Variants in AGPAT3 observed in about 807,000 individuals in gnomAD.
AGPAT3 encodes the protein 1-acylglycerol-3-phosphate O-acyltransferase 3.
A neutral mutation model predicts 47.3 loss-of-function variants in AGPAT3; 5 were observed. That is an observed-to-expected ratio of 0.11 (90% confidence interval 0.06 to 0.22). The LOEUF (loss-of-function observed/expected upper bound fraction) is 0.22. AGPAT3 is among the 10% of genes least tolerant of loss of function. The pLI is 1.00. For missense variants in AGPAT3, 315 were observed against 493.0 expected (o/e 0.64, Z 3.42); for synonymous variants, 212 against 208.3 (o/e 1.02, Z -0.15).
chr21:43,904,897 A>T (rs1359193767), intron 2 of AGPAT3, among the ~76,000 whole-genome samples: 1 of 152,152 alleles, frequency 6.6e-6, no homozygotes, highest in African/African-American at 2.4e-5. Flanking sequence ...TTCCAGGTGT[A>T]ACTCACAGGC....
chr21:43,873,809 A>C (rs1471592440), intron 1 of AGPAT3, among the ~76,000 whole-genome samples: 2 of 152,166 alleles, frequency 1.3e-5, no homozygotes, highest in African/African-American at 4.8e-5. Flanking sequence ...CATCTCACAG[A>C]GGCTCATCTT....
At chr21:43,931,072 C>T (rs1267028483) in intron 2 of AGPAT3, among the ~76,000 whole-genome samples, 1 of 152,182 alleles carries the variant, frequency 6.6e-6, no homozygotes, top group East Asian at 1.9e-4. Context: ...GGCCCCGTGA[C>T]TGGACAGCCC....
intron 2 of AGPAT3, among the ~76,000 whole-genome samples, chr21:43,931,286 C>T (rs1410650891): frequency 2.6e-5 from 4 of 152,138 alleles, no homozygotes; most frequent in South Asian, 4.1e-4. Flanking sequence ...CCTGGAGTTT[C>T]GCTCGGTCAC....
intron 4 of AGPAT3, among the ~76,000 whole-genome samples, chr21:43,968,565 C>T (rs1240902198): frequency 6.6e-6 from 1 of 151,886 alleles, no homozygotes; most frequent in Non-Finnish European, 1.5e-5. Flanking sequence ...CGGGGAGGCC[C>T]CTGGGGTCCG....
At chr21:43,894,650 C>T (rs146146341) in intron 1 of AGPAT3, among the ~76,000 whole-genome samples, 1 of 152,272 alleles carries the variant, frequency 6.6e-6, no homozygotes, top group African/African-American at 2.4e-5. Context: ...GATCTATAAA[C>T]ACCGGGTCTT....
intron 1 of AGPAT3, among the ~76,000 whole-genome samples, chr21:43,879,071 T>G (rs1338357495): frequency 6.6e-6 from 1 of 152,072 alleles, no homozygotes; most frequent in Non-Finnish European, 1.5e-5. Flanking sequence ...AACATGCCAC[T>G]GGCTGCAGTG....
intron 2 of AGPAT3, among the ~76,000 whole-genome samples, chr21:43,926,846 A>T (rs569460895): frequency 2.0e-5 from 3 of 151,744 alleles, no homozygotes; most frequent in South Asian, 4.2e-4. Context: ...CTGTGATCCC[A>T]GCTACTTGGG....
At chr21:43,935,103 C>T (rs375556023) in intron 2 of AGPAT3, among the ~76,000 whole-genome samples, 17 of 152,392 alleles carry the variant, frequency 1.1e-4, no homozygotes, top group Admixed American at 4.6e-4. Flanking sequence ...GGGGGCTTCT[C>T]ACCTGAGAGC....
Position 43,920,970 on chromosome 21 carries a change from G to A in AGPAT3, c.-49+16951G>A, listed in dbSNP as rs1297440257. On this transcript the variant is annotated intron_variant, in intron 2 of 9. Transcript: ENST00000291572. The surrounding 1 kb of genome is among the most constrained non-coding windows in gnomAD (Gnocchi z 6.1). ...CTACTAAAAATACAAAAACTTAGCCGGGCGTGGTGGCGGGCACCTGTAGTT... is the reference window on the plus strand; with the variant it reads ...CTACTAAAAATACAAAAACTTAGCCAGGCGTGGTGGCGGGCACCTGTAGTT... Among the ~76,000 whole-genome samples the A allele has an allele frequency of 2.0e-5, 3 of 152,136 alleles. No individual in the cohort carries two copies. Among genetic ancestry groups the A allele is most frequent in the South Asian group, 2.1e-4 (1 of 4,826 alleles).
At chr21:43,878,511 T>G (rs376403112) in intron 1 of AGPAT3, among the ~76,000 whole-genome samples, 1 of 152,228 alleles carries the variant, frequency 6.6e-6, no homozygotes, top group Non-Finnish European at 1.5e-5. Context: ...GTTTTCCCAG[T>G]TATAAATATG....
chr21:43,933,118 G>T lies in AGPAT3; in HGVS notation c.-48-26516G>T, dbSNP rs2087312495. On this transcript the variant is annotated intron_variant, in intron 2 of 9. Coordinates refer to ENST00000291572, the MANE Select transcript of AGPAT3 (RefSeq NM_020132.5). This position sits in a 1 kb window ranked among gnomAD's most constrained non-coding sequence, Gnocchi z 6.0. ...AATAGCCAACTGAACGGCATGAAATGACACCTCCCTGTGGCTTCGATTTGC... is the reference window on the plus strand; with the variant it reads ...AATAGCCAACTGAACGGCATGAAATTACACCTCCCTGTGGCTTCGATTTGC... Among the ~76,000 whole-genome samples the T allele has an allele frequency of 6.6e-6, 1 of 152,230 alleles. No homozygotes were observed. Among genetic ancestry groups the T allele is most frequent in the African/African-American group, 2.4e-5 (1 of 41,460 alleles).
Position 43,942,233 on chromosome 21 carries a change from G to A in AGPAT3, c.-48-17401G>A, listed in dbSNP as rs180714300. On this transcript the variant is annotated intron_variant, in intron 2 of 9. Transcript: ENST00000291572. ...ACCTGGAGGGCCACAGAGGCGGCTT[G>A]GTTTTTTTGTGGGGACAGAGACGTT... Among the ~76,000 whole-genome samples, 29 of 152,272 alleles carry A rather than the reference G, an allele frequency of 1.9e-4. No individual in the cohort carries two copies. The East Asian group carries it at 5.6e-3, about 29-fold the overall frequency.
At chr21:43,937,491 G>A (rs375742684) in intron 2 of AGPAT3, among the ~76,000 whole-genome samples, 5 of 152,216 alleles carry the variant, frequency 3.3e-5, no homozygotes, top group East Asian at 1.9e-4. Flanking sequence ...AGGTGACATC[G>A]TGGCTGCCTC....
chr21:43,876,292 A>C (rs906909157), intron 1 of AGPAT3, among the ~76,000 whole-genome samples: 2 of 152,194 alleles, frequency 1.3e-5, no homozygotes, highest in East Asian at 3.8e-4. Flanking sequence ...ACAAATACTA[A>C]AATTTGAATT....
At chr21:43,960,071 A>T (rs1028154699) in intron 3 of AGPAT3, among the ~76,000 whole-genome samples, 2 of 152,194 alleles carry the variant, frequency 1.3e-5, no homozygotes, top group Non-Finnish European at 2.9e-5. Context: ...ATTCTGACCC[A>T]TAGCAATGGC....
At chr21:43,873,488 C>G (rs978723808) in intron 1 of AGPAT3, among the ~76,000 whole-genome samples, 1 of 152,188 alleles carries the variant, frequency 6.6e-6, no homozygotes, top group Non-Finnish European at 1.5e-5. Flanking sequence ...AGCGATTCTC[C>G]TGCCTCAGCC....
intron 1 of AGPAT3, among the ~76,000 whole-genome samples, chr21:43,885,803 G>A (rs541230989): frequency 6.6e-6 from 1 of 150,586 alleles, no homozygotes; most frequent in Non-Finnish European, 1.5e-5. Flanking sequence ...TGGCACAGGC[G>A]AGGGGAGCCA....
chr21:43,912,431 G>C (rs2086649458), intron 2 of AGPAT3, among the ~76,000 whole-genome samples: 1 of 152,266 alleles, frequency 6.6e-6, no homozygotes, highest in African/African-American at 2.4e-5. Flanking sequence ...CACCAGGGGT[G>C]CTCTGGCCAT....
At chr21:43,890,410 C>A (rs2086077178) in intron 1 of AGPAT3, among the ~76,000 whole-genome samples, 1 of 152,064 alleles carries the variant, frequency 6.6e-6, no homozygotes, top group Non-Finnish European at 1.5e-5. Context: ...TTATAAATTA[C>A]CCGGTCTCAA....
Sources: gnomAD v4.1 joint callset for allele counts (sites outside exome capture counted in the v4.1 genomes callset) on GRCh38, gnomAD v4.1.1 for gene constraint, Gnocchi (gnomAD v3.1) non-coding constraint, MANE v1.5 for transcripts, NCBI Gene and HGNC (gene_info 2026-07-23, HGNC 2026-07-21) for gene names.